The following STAB2 variants were observed in gnomAD, a reference collection of about 807,000 sequenced individuals.
STAB2 encodes the protein stabilin-2.
In STAB2, 288 loss-of-function variants were observed where a neutral mutation model predicts 338.1. The ratio of observed to expected loss-of-function variants is 0.85; its 90% CI spans 0.77 to 0.94. The LOEUF is 0.94. STAB2 is among the 40% of genes least tolerant of loss of function. The probability of loss-of-function intolerance (pLI) is 0.00; values close to 1 mark genes in which losing one functional copy is unlikely to be tolerated. For synonymous variants in STAB2, 1,202 were observed against 1,193.3 expected (o/e 1.01, Z -0.15); for missense variants, 3,141 against 3,210.1 (o/e 0.98, Z 0.52).
chr12:103,753,246 C>A lies in STAB2; in HGVS notation c.6607C>A (p.Arg2203Ser). ...TACCACTGTTGGGGTGTTCCATCTA[C>A]GCTCCCCACTGGGCCAGTATAAGCT... ...QDTTVGVFHL[R>S]SPLGQYKLTF... Residue 2203 changes from arginine (R) to serine (S), a missense_variant, in exon 61 of 69, where the codon CGC becomes AGC. Transcript: ENST00000388887. 1.2e-6 allele frequency: 2 copies of A among 1,614,224 alleles called. No individual in the cohort carries two copies. The highest frequency in any genetic ancestry group is 1.7e-6 in the Non-Finnish European group (2 of 1,180,036).
In STAB2 at chr12:103,674,977, T is replaced by C. The variant is rs564475714; in HGVS notation, c.2552+890T>C. Among the ~76,000 whole-genome samples the C allele has an allele frequency of 2.6e-5, 4 of 152,324 alleles. No individual in the cohort carries two copies. In the South Asian group the frequency reaches 6.2e-4, roughly 24 times the overall value. On this transcript the variant is annotated intron_variant, in intron 23 of 68. Coordinates refer to ENST00000388887, the MANE Select transcript of STAB2 (RefSeq NM_017564.10). ...TAATCAACATTACCGCTGAAACCTA[T>C]GAAATCATCCACAGAGGACTGTCGG...
chr12:103,750,380 A>G (rs1356663576), intron 59 of STAB2, among the ~76,000 whole-genome samples, 199 bp from the exon 60 acceptor site: 1 of 152,344 alleles, frequency 6.6e-6, no homozygotes, highest in South Asian at 2.1e-4. Flanking sequence ...TCACATTTGA[A>G]CTGAGATGTA....
chr12:103,625,887 C>A (rs1172761637), intron 5 of STAB2, among the ~76,000 whole-genome samples: 1 of 152,122 alleles, frequency 6.6e-6, no homozygotes, highest in African/African-American at 2.4e-5. Flanking sequence ...AATGGGATGG[C>A]TGGGTCAAAT....
chr12:103,635,475 C>T (rs1354607425), intron 6 of STAB2, among the ~76,000 whole-genome samples: 1 of 152,216 alleles, frequency 6.6e-6, no homozygotes, highest in Non-Finnish European at 1.5e-5. Flanking sequence ...CGGGTTCCTG[C>T]AGAGCTCAGC....
chr12:103,717,985 C>A, intron 44 of STAB2, 144 bp downstream of exon 44: 1 of 783,186 alleles, frequency 1.3e-6, no homozygotes, highest in Non-Finnish European at 2.1e-6. Flanking sequence ...GTTTCTCTGG[C>A]ACACTCCATT....
intron 21 of STAB2, 95 bp from the exon 22 acceptor site, chr12:103,670,601 G>C: frequency 1.1e-6 from 1 of 949,006 alleles, no homozygotes. Flanking sequence ...ATGTCAAGTG[G>C]GATTTAATCT....
chr12:103,733,275 G>A (rs1424136242), intron 51 of STAB2, 93 bp downstream of exon 51: 3 of 1,448,138 alleles, frequency 2.1e-6, no homozygotes, highest in African/African-American at 2.8e-5. Context: ...AACTGTCAGT[G>A]TGTCCCTGTC....
chr12:103,763,915 AATTCTGCTGC>A (rs1388232684), intron 68 of STAB2: 2 of 234,674 alleles, frequency 8.5e-6, no homozygotes, highest in African/African-American at 4.5e-5. Flanking sequence ...TCTTGGGCTG[AATTCTGCTGC>A]AATCATTTAT....
intron 22 of STAB2, 30 bp from the exon 23 acceptor site, chr12:103,673,877 G>A (rs1186960897): frequency 1.3e-6 from 2 of 1,597,986 alleles, no homozygotes; most frequent in Admixed American, 1.7e-5. Flanking sequence ...CCCAAGGCCT[G>A]GACGGATGTC....
Position 103,762,527 on chromosome 12 carries a change from C to T in STAB2, c.7488+125C>T. On this transcript the variant is annotated intron_variant, in intron 67 of 68. Transcript: ENST00000388887. ...CCAGAAGCAGTGTGTCACACAGTAG[C>T]AGGGGCGGCCACCCACCCCACGCTT... 4 of 1,453,256 alleles carry T rather than the reference C, an allele frequency of 2.8e-6. No homozygotes were observed. The South Asian group carries it at 5.1e-5, about 19-fold the overall frequency. The allele number at this position is 1,453,256 out of a possible 1,614,324, so 90.0% of individuals were successfully genotyped here.
chr12:103,711,547 G>A, intron 40 of STAB2, 31 bp downstream of exon 40: 2 of 1,611,976 alleles, frequency 1.2e-6, no homozygotes, highest in Admixed American at 1.7e-5. Flanking sequence ...TCTGGGGACA[G>A]TGTAAAGGGG....
intron 58 of STAB2, 43 bp downstream of exon 58, chr12:103,746,747 G>A: frequency 6.3e-7 from 1 of 1,594,322 alleles, no homozygotes; most frequent in Non-Finnish European, 8.6e-7. Context: ...GCATGGTGTG[G>A]GAGAGGAGCA....
At chr12:103,635,807 A>G (rs1208124895) in intron 6 of STAB2, among the ~76,000 whole-genome samples, 1 of 152,194 alleles carries the variant, frequency 6.6e-6, no homozygotes, top group African/African-American at 2.4e-5. Context: ...TTTGGCACCT[A>G]GTGAGTTCCA....
At chr12:103,712,340 A>G in intron 40 of STAB2, 27 bp from the exon 41 acceptor site, 1 of 1,590,082 alleles carries the variant, frequency 6.3e-7, no homozygotes, top group South Asian at 1.1e-5. Context: ...TTTTTCTACA[A>G]ACCCCATTTG....
intron 3 of STAB2, among the ~76,000 whole-genome samples, chr12:103,610,588 A>G (rs1428910061): frequency 6.6e-6 from 1 of 151,540 alleles, no homozygotes; most frequent in Admixed American, 6.6e-5. Context: ...TTTCTTCTTT[A>G]TTAATCTTGC....
At chr12:103,728,220 C>T (rs1198248225) in intron 47 of STAB2, among the ~76,000 whole-genome samples, 3 of 152,136 alleles carry the variant, frequency 2.0e-5, no homozygotes, top group Non-Finnish European at 2.9e-5. Flanking sequence ...GCCATGATCT[C>T]GGCTCACTGC....
chr12:103,684,282 A>C (rs1179947777), intron 26 of STAB2, among the ~76,000 whole-genome samples: 1 of 152,206 alleles, frequency 6.6e-6, no homozygotes, highest in African/African-American at 2.4e-5. Flanking sequence ...AACTGGGTGC[A>C]GGTGTCTACA....
intron 60 of STAB2, among the ~76,000 whole-genome samples, chr12:103,751,768 C>T (rs2374247): frequency 0.95 from 144,149 of 152,098 alleles, 68,336 homozygotes; most frequent in East Asian, 1. Flanking sequence ...TCTACCCAGA[C>T]CATAGAGTGT....
Position 103,620,547 on chromosome 12 carries a change from C to G in STAB2, c.411C>G (p.Ser137=). The stretch of plus-strand genomic sequence containing the variant: ...GCATGGAAGGAAATGGAACCTGCTC[C>G]TGCCAAGTAAGTTCAAAAATGTGTT... The part of the protein sequence containing the change: ...AEGMEGNGTC[S]CQEGFGGTAC... Residue 137 remains serine (S), a synonymous_variant, in exon 4 of 69, where the codon TCC becomes TCG. Coordinates refer to ENST00000388887, the MANE Select transcript of STAB2 (RefSeq NM_017564.10). The G allele has an allele frequency of 6.4e-7, 1 of 1,563,818 alleles. No individual in the cohort carries two copies. Among genetic ancestry groups the G allele is most frequent in the Non-Finnish European group, 8.7e-7 (1 of 1,152,906 alleles).
Sources: gnomAD v4.1 joint callset for allele counts (sites outside exome capture counted in the v4.1 genomes callset) on GRCh38, gnomAD v4.1.1 for gene constraint, MANE v1.5 for transcripts, NCBI Gene and HGNC (gene_info 2026-07-23, HGNC 2026-07-21) for gene names.